Variants in PRR11 observed in about 807,000 individuals in gnomAD.
PRR11 encodes proline rich 11.
Under a neutral mutation model 45.6 loss-of-function variants are expected in PRR11, and 30 were observed. The observed-to-expected ratio is 0.66, with a 90% CI of 0.49 to 0.89. The LOEUF (loss-of-function observed/expected upper bound fraction) is 0.89. Among genes scored for constraint, PRR11 ranks in the 40% least tolerant of loss-of-function variants. The pLI is 0.00. For missense variants in PRR11, 373 were observed against 424.8 expected (o/e 0.88, Z 1.07); for synonymous variants, 128 against 153.5 (o/e 0.83, Z 1.23).
intron 4 of PRR11, among the ~76,000 whole-genome samples, chr17:59,190,694 C>A (rs1599705254): frequency 3.3e-5 from 5 of 152,194 alleles, no homozygotes. Flanking sequence ...TCTGTCTCAT[C>A]TTTCAGTTCT....
At chr17:59,173,634 G>A (rs544235731) in intron 2 of PRR11, among the ~76,000 whole-genome samples, 1 of 152,236 alleles carries the variant, frequency 6.6e-6, no homozygotes, top group Non-Finnish European at 1.5e-5. Flanking sequence ...AACATCAGAA[G>A]GAACAAACTC....
rs145291134 is a variant in PRR11 at position 59,189,100 on chromosome 17, A to C, written c.402+3538A>C. 6.2e-3 allele frequency among the ~76,000 whole-genome samples: 935 copies of C among 151,758 alleles called. 6 individuals carry two copies. The highest frequency in any genetic ancestry group is 0.021 in the African/African-American group (878 of 41,432). ...GATCACTTGAGGTCAGGAGTTCGAGACCATCCTAGCCAACATGATGAAACC... is the reference window on the plus strand; with the variant it reads ...GATCACTTGAGGTCAGGAGTTCGAGCCCATCCTAGCCAACATGATGAAACC... On this transcript the variant is annotated intron_variant, in intron 4 of 9. Transcript: ENST00000262293.
At chr17:59,179,795 G>T in intron 2 of PRR11, 2 of 1,360,732 alleles carry the variant, frequency 1.5e-6, no homozygotes, top group Non-Finnish European at 2.1e-6. Flanking sequence ...CTCCTCCTCC[G>T]ATGACTCCTC....
intron 1 of PRR11, among the ~76,000 whole-genome samples, chr17:59,168,356 G>C (rs1190628592): frequency 6.6e-6 from 1 of 151,862 alleles, no homozygotes. Flanking sequence ...TTTTAATAGA[G>C]ACAGGGTTTT....
At chr17:59,177,123 C>T (rs1599697734) in intron 2 of PRR11, 9 of 554,732 alleles carry the variant, frequency 1.6e-5, no homozygotes, top group Non-Finnish European at 3.2e-5. Flanking sequence ...CCCCCGCTGT[C>T]CCAGGGTATT....
At chr17:59,190,117 C>T (rs1255679670) in intron 4 of PRR11, among the ~76,000 whole-genome samples, 1 of 152,164 alleles carries the variant, frequency 6.6e-6, no homozygotes, top group African/African-American at 2.4e-5. Context: ...CCTATTTCAG[C>T]TCTCCTTATA....
At chr17:59,187,536 C>G (rs1251519923) in intron 4 of PRR11, among the ~76,000 whole-genome samples, 1 of 151,504 alleles carries the variant, frequency 6.6e-6, no homozygotes, top group African/African-American at 2.4e-5. Context: ...CATCACTGCA[C>G]TCCAGCTTGG....
rs2046892545 is a variant in PRR11, at chr17:59,201,571, C to T, written c.1023C>T (p.His341=). 1.2e-6 allele frequency: 2 copies of T among 1,612,034 alleles called. No homozygotes were observed. Among genetic ancestry groups the T allele is most frequent in the Non-Finnish European group, 1.7e-6 (2 of 1,179,862 alleles). Residue 341 remains histidine (H), a synonymous_variant, in exon 10 of 10, where the codon CAC becomes CAT. Coordinates refer to ENST00000262293, the MANE Select transcript of PRR11 (RefSeq NM_018304.4). The stretch of plus-strand genomic sequence containing the variant: ...ACTTTTTTTTTTTATAGCTGGCTCA[C>T]CCTAGAAGCCCAACTCCAACTCTGC... The part of the protein sequence containing the change: ...QALRRKFQLA[H]PRSPTPTLPL...
intron 2 of PRR11, among the ~76,000 whole-genome samples, chr17:59,178,950 G>C (rs2046764797): frequency 6.6e-6 from 1 of 152,188 alleles, no homozygotes. Context: ...TTAAGTTTCA[G>C]AGGGCACAGC....
At chr17:59,157,108 C>T (rs1265194620) in intron 1 of PRR11, among the ~76,000 whole-genome samples, 1 of 152,174 alleles carries the variant, frequency 6.6e-6, no homozygotes, top group Non-Finnish European at 1.5e-5. Flanking sequence ...CCTCCCTAAC[C>T]AAGAGAATTT....
At position 59,205,246 on chromosome 17, in the gene PRR11, G is replaced by A. The variant is rs561278551; in HGVS notation, c.*3615G>A. Among the ~76,000 whole-genome samples the A allele has an allele frequency of 1.7e-3, 255 of 152,074 alleles. No individual in the cohort carries two copies. The highest frequency in any genetic ancestry group is 5.8e-3 in the African/African-American group (240 of 41,494). The stretch of plus-strand genomic sequence containing the variant: ...AAGTGCTATGGCTTCCTTAAACTAC[G>A]ATTTATCATATGCTCCCGGTGTTTA... On this transcript the variant is annotated 3_prime_UTR_variant, in exon 10 of 10. Coordinates refer to ENST00000262293, the MANE Select transcript of PRR11 (RefSeq NM_018304.4).
At chr17:59,157,078 A>G (rs2046629118) in intron 1 of PRR11, among the ~76,000 whole-genome samples, 1 of 152,246 alleles carries the variant, frequency 6.6e-6, no homozygotes, top group Non-Finnish European at 1.5e-5. Context: ...AAGATGTGGT[A>G]TGATATGAAG....
In PRR11 at chr17:59,205,049, G is replaced by T. The variant is rs1433562837; in HGVS notation, c.*3418G>T. Among the ~76,000 whole-genome samples the T allele has an allele frequency of 6.6e-6, 1 of 151,620 alleles. No homozygotes were observed. Among genetic ancestry groups the T allele is most frequent in the African/African-American group, 2.4e-5 (1 of 41,266 alleles). ...CCATCTCAAAAAGAAAAGAAAAAATGCTTTGCTACATAATGAGGCCAGGCA... is the reference window on the plus strand; with the variant it reads ...CCATCTCAAAAAGAAAAGAAAAAATTCTTTGCTACATAATGAGGCCAGGCA... On this transcript the variant is annotated 3_prime_UTR_variant, in exon 10 of 10. Coordinates refer to ENST00000262293, the MANE Select transcript of PRR11 (RefSeq NM_018304.4).
intron 1 of PRR11, among the ~76,000 whole-genome samples, chr17:59,161,472 G>A (rs141593901): frequency 1.1e-4 from 17 of 150,328 alleles, no homozygotes; most frequent in East Asian, 1.9e-4. Flanking sequence ...CATAAGGGCC[G>A]AGTACAGTGG....
chr17:59,184,769 AT>A (rs2046805254), intron 2 of PRR11, among the ~76,000 whole-genome samples: 1 of 151,958 alleles, frequency 6.6e-6, no homozygotes, highest in African/African-American at 2.4e-5. Context: ...CTTTTGTGGA[AT>A]GAAAAGCTCT....
In PRR11 at chr17:59,172,688, C is replaced by T. The variant is rs116509791; in HGVS notation, c.128+2808C>T. ...CGGACCAGCAGCTGCAGGGGGTGCG[C>T]GGGGTCACCCAGCAGTGCTGGCCCA... On this transcript the variant is annotated intron_variant, in intron 2 of 9. Coordinates refer to ENST00000262293, the MANE Select transcript of PRR11 (RefSeq NM_018304.4). Among the ~76,000 whole-genome samples the T allele has an allele frequency of 4.4e-3, 667 of 152,332 alleles. 10 individuals carry two copies. Among genetic ancestry groups the T allele is most frequent in the African/African-American group, 0.015 (608 of 41,574 alleles).
intron 9 of PRR11, among the ~76,000 whole-genome samples, chr17:59,199,254 C>T (rs138621310): frequency 6.6e-6 from 1 of 152,170 alleles, no homozygotes; most frequent in Non-Finnish European, 1.5e-5. Flanking sequence ...GGGGTGGGTC[C>T]ACCATGAGTG....
intron 9 of PRR11, among the ~76,000 whole-genome samples, chr17:59,198,673 CAA>C (rs1397235254): frequency 4.4e-5 from 6 of 135,208 alleles, no homozygotes; most frequent in African/African-American, 2.7e-5. Flanking sequence ...GACTTAGTCT[CAA>C]AAAAAAAAAA....
rs1306914078 is a variant in PRR11, at chr17:59,205,238, TA to T, written c.*3610del. On this transcript the variant is annotated 3_prime_UTR_variant, in exon 10 of 10. Transcript: ENST00000262293. ...AACTCTGTAAGTGCTATGGCTTCCTTAAACTACGATTTATCATATGCTCCCG... is the reference window on the plus strand; with the variant it reads ...AACTCTGTAAGTGCTATGGCTTCCTTAACTACGATTTATCATATGCTCCCG... 6.6e-6 allele frequency among the ~76,000 whole-genome samples: 1 copy of T among 152,144 alleles called. No individual in the cohort carries two copies. The highest frequency in any genetic ancestry group is 1.5e-5 in the Non-Finnish European group (1 of 68,036).
Sources: allele counts gnomAD v4.1 joint callset (sites outside exome capture counted in the v4.1 genomes callset), GRCh38; gene constraint gnomAD v4.1.1; transcripts MANE v1.5; gene names NCBI Gene and HGNC (gene_info 2026-07-23, HGNC 2026-07-21).